Variants in IQCJ observed in about 807,000 individuals in gnomAD.
IQCJ encodes IQ domain-containing protein J.
In IQCJ, 9 loss-of-function variants were observed where a neutral mutation model predicts 11.0. The observed-to-expected ratio is 0.82, with a 90% CI of 0.49 to 1.43. IQCJ has a LOEUF of 1.43. IQCJ is among the 40% of genes most tolerant of loss of function. IQCJ has a pLI of 0.00. For missense variants in IQCJ, 146 were observed against 133.2 expected (o/e 1.10, Z -0.47); for synonymous variants, 55 against 51.3 (o/e 1.07, Z -0.31).
intron 1 of IQCJ, among the ~76,000 whole-genome samples, chr3:159,113,411 ACAGC>A (rs763989252): frequency 2.0e-5 from 3 of 152,202 alleles, no homozygotes; most frequent in Non-Finnish European, 2.9e-5. Flanking sequence ...TATCATCAGG[ACAGC>A]AAATGTATTT....
At position 159,219,610 on chromosome 3, in the gene IQCJ, G is replaced by A. The variant is rs1010023298; in HGVS notation, c.10-26233G>A. Among the ~76,000 whole-genome samples, 11 of 152,168 alleles carry A rather than the reference G, an allele frequency of 7.2e-5. No individual in the cohort carries two copies. The Middle Eastern group carries it at 0.01, about 141-fold the overall frequency. On this transcript the variant is annotated intron_variant, in intron 1 of 3. Coordinates refer to ENST00000397832, the MANE Select transcript of IQCJ (RefSeq NM_001042706.3). ...GTTACTTGAAAAGAGAGTCAATTCC[G>A]GATCTTTCAAAAGGATCACAATGGT...
rs1182040835 is a variant in IQCJ at position 159,146,816 on chromosome 3, G to A, written c.9+77375G>A. Among the ~76,000 whole-genome samples, 5 of 152,170 alleles carry A rather than the reference G, an allele frequency of 3.3e-5. No homozygotes were observed. The South Asian group carries it at 1.0e-3, about 31-fold the overall frequency. On this transcript the variant is annotated intron_variant, in intron 1 of 3. Transcript: ENST00000397832. ...AATTCATCAGCTGTATCTCCTCACT[G>A]ATGAGAACTTTGTGATTCCATCACA...
chr3:159,140,507 C>G (rs1051215296), intron 1 of IQCJ, among the ~76,000 whole-genome samples: 1 of 152,090 alleles, frequency 6.6e-6, no homozygotes, highest in Non-Finnish European at 1.5e-5. Flanking sequence ...TAAAATATCA[C>G]GTTATAAATT....
intron 1 of IQCJ, among the ~76,000 whole-genome samples, chr3:159,151,970 A>G (rs1721255530): frequency 6.6e-6 from 1 of 152,192 alleles, no homozygotes; most frequent in Non-Finnish European, 1.5e-5. Flanking sequence ...TCTAAATATC[A>G]GATTCAATTC....
intron 1 of IQCJ, among the ~76,000 whole-genome samples, chr3:159,221,310 G>A (rs1278235120): frequency 1.3e-5 from 2 of 152,004 alleles, no homozygotes; most frequent in East Asian, 1.9e-4. Flanking sequence ...TCAATATAAG[G>A]TGCCTGGCAT....
chr3:159,085,311 C>G (rs1716651836), intron 1 of IQCJ, among the ~76,000 whole-genome samples: 1 of 151,200 alleles, frequency 6.6e-6, no homozygotes, highest in Non-Finnish European at 1.5e-5. Flanking sequence ...TTAATCCAGT[C>G]TATCATTGTT....
intron 1 of IQCJ, among the ~76,000 whole-genome samples, chr3:159,150,855 A>G (rs1721173745): frequency 6.6e-6 from 1 of 152,154 alleles, no homozygotes; most frequent in Non-Finnish European, 1.5e-5. Context: ...CTGCCTACTC[A>G]GCTCTCATGG....
intron 1 of IQCJ, among the ~76,000 whole-genome samples, chr3:159,096,078 C>A (rs1393102178): frequency 3.1e-5 from 3 of 97,452 alleles, no homozygotes; most frequent in South Asian, 4.3e-4. Context: ...GAGATGATAT[C>A]TCACAGTGGT....
intron 1 of IQCJ, chr3:159,069,926 G>A (rs1715450727): frequency 3.7e-6 from 1 of 269,582 alleles, no homozygotes; most frequent in Admixed American, 4.1e-5. Context: ...TTGAAAATTG[G>A]GAGAGAAGAG....
chr3:159,130,192 A>G (rs1719913519), intron 1 of IQCJ, among the ~76,000 whole-genome samples: 1 of 152,140 alleles, frequency 6.6e-6, no homozygotes, highest in South Asian at 2.1e-4. Context: ...TTTTAATATG[A>G]AATTTTCAGT....
chr3:159,242,298 A>G (rs1726971470), intron 1 of IQCJ, among the ~76,000 whole-genome samples: 1 of 152,216 alleles, frequency 6.6e-6, no homozygotes, highest in African/African-American at 2.4e-5. Flanking sequence ...AACATCACTT[A>G]TCTATATTTG....
chr3:159,107,099 C>G (rs1446329157), intron 1 of IQCJ, among the ~76,000 whole-genome samples: 1 of 152,096 alleles, frequency 6.6e-6, no homozygotes, highest in Non-Finnish European at 1.5e-5. Context: ...AAGTAAAACT[C>G]TCATTCCTTT....
chr3:159,117,577 A>T (rs1719103978), intron 1 of IQCJ, among the ~76,000 whole-genome samples: 2 of 152,362 alleles, frequency 1.3e-5, no homozygotes, highest in Non-Finnish European at 2.9e-5. Context: ...ATTAGTAAAG[A>T]GTCATAGAAC....
chr3:159,092,699 A>ACACAC (rs1553775246), intron 1 of IQCJ, among the ~76,000 whole-genome samples: 1 of 141,600 alleles, frequency 7.1e-6, no homozygotes, highest in African/African-American at 2.8e-5. Flanking sequence ...CTCCATCACA[A>ACACAC]ACACACACAC....
In IQCJ at chr3:159,069,342, A is replaced by G; in HGVS notation, c.-91A>G. On this transcript the variant is annotated 5_prime_UTR_variant, in exon 1 of 4. Coordinates refer to ENST00000397832, the MANE Select transcript of IQCJ (RefSeq NM_001042706.3). The stretch of plus-strand genomic sequence containing the variant: ...TCACACTCGCCTCACATTCCCCCAC[A>G]GTCACATTGCGCTCTGTGATTCTGA... 1.3e-6 allele frequency: 2 copies of G among 1,505,166 alleles called. No individual in the cohort carries two copies. The highest frequency in any genetic ancestry group is 1.8e-6 in the Non-Finnish European group (2 of 1,123,738). 93.2% of individuals were successfully genotyped at this position (1,505,166 alleles called of 1,614,324 possible). A position where few individuals can be genotyped will look rare whatever the true frequency, so the allele number is the denominator to read the frequency against.
chr3:159,090,593 C>T lies in IQCJ; in HGVS notation c.9+21152C>T, dbSNP rs1218043701. Among the ~76,000 whole-genome samples the T allele has an allele frequency of 5.9e-5, 9 of 151,622 alleles. 1 individual carries two copies. Among genetic ancestry groups the T allele is most frequent in the African/African-American group, 2.2e-4 (9 of 41,002 alleles). On this transcript the variant is annotated intron_variant, in intron 1 of 3. Coordinates refer to ENST00000397832, the MANE Select transcript of IQCJ (RefSeq NM_001042706.3). ...GTTCAGGGCTGAAAACTTGGAGGCA[C>T]ATATGGGTGTGTCATATTGGAGGAA...
intron 1 of IQCJ, among the ~76,000 whole-genome samples, chr3:159,084,946 T>C (rs1018308086): frequency 6.6e-6 from 1 of 152,036 alleles, no homozygotes; most frequent in African/African-American, 2.4e-5. Flanking sequence ...CTTTAAGTTT[T>C]AGGGTATATG....
At chr3:159,253,158 A>G (rs1159980333) in intron 3 of IQCJ, among the ~76,000 whole-genome samples, 1 of 152,070 alleles carries the variant, frequency 6.6e-6, no homozygotes, top group Non-Finnish European at 1.5e-5. Context: ...ACCTCAAGCC[A>G]TCTATGTATC....
At chr3:159,185,664 CA>C (rs1386018128) in intron 1 of IQCJ, among the ~76,000 whole-genome samples, 1 of 152,198 alleles carries the variant, frequency 6.6e-6, no homozygotes, top group Non-Finnish European at 1.5e-5. Context: ...TTCAAAATGA[CA>C]CTCACATGAT....
Sources: gnomAD v4.1 joint callset for allele counts (sites outside exome capture counted in the v4.1 genomes callset) on GRCh38, gnomAD v4.1.1 for gene constraint, MANE v1.5 for transcripts, NCBI Gene and HGNC (gene_info 2026-07-23, HGNC 2026-07-21) for gene names.